PDE4D: variants seen among roughly 807,000 people sequenced by gnomAD.
PDE4D encodes the protein 3',5'-cyclic-AMP phosphodiesterase 4D.
PDE4D carries 24 observed loss-of-function variants against 87.4 expected under a neutral mutation model. That is an observed-to-expected ratio of 0.27 (90% CI 0.20 to 0.39). PDE4D has a LOEUF of 0.39. PDE4D is among the 10% of genes least tolerant of loss of function. The pLI, the probability that PDE4D is intolerant of heterozygous loss-of-function variation, is 1.00. For missense variants in PDE4D, 714 were observed against 1,041.0 expected (o/e 0.69, Z 4.32); for synonymous variants, 384 against 383.2 (o/e 1.00, Z -0.02).
At chr5:59,098,768 T>C (rs1770229179) in intron 5 of PDE4D, among the ~76,000 whole-genome samples, 1 of 149,512 alleles carries the variant, frequency 6.7e-6, no homozygotes, top group African/African-American at 2.5e-5. Flanking sequence ...CAGGTCAAGG[T>C]TGGAATGGTG....
rs543422926 is a variant in PDE4D at position 59,723,773 on chromosome 5, A to G, written c.455+169395T>C. On this transcript the variant is annotated intron_variant, in intron 1 of 14. Coordinates refer to ENST00000340635, the MANE Select transcript of PDE4D (RefSeq NM_001104631.2). Reference sequence around the variant, plus strand: ...CACGTAAGGAGTTGTCCAAACTAATATTGAATGCATTTGACATGACAGCTG... The same window carrying G: ...CACGTAAGGAGTTGTCCAAACTAATGTTGAATGCATTTGACATGACAGCTG... Among the ~76,000 whole-genome samples, 12 of 152,304 alleles carry G rather than the reference A, an allele frequency of 7.9e-5. No individual in the cohort carries two copies. The East Asian group carries it at 2.3e-3, about 29-fold the overall frequency.
intron 1 of PDE4D, among the ~76,000 whole-genome samples, chr5:59,340,396 T>C (rs190216398): frequency 1.3e-5 from 2 of 152,248 alleles, no homozygotes; most frequent in Admixed American, 6.5e-5. Context: ...TGTATTTACT[T>C]TTTACTTTTG....
At chr5:59,117,670 T>C (rs945672139) in intron 5 of PDE4D, among the ~76,000 whole-genome samples, 6 of 152,324 alleles carry the variant, frequency 3.9e-5, no homozygotes, top group African/African-American at 1.4e-4. Context: ...AGGAATATGC[T>C]GGAACTGGAT....
intron 1 of PDE4D, among the ~76,000 whole-genome samples, chr5:59,860,344 A>T (rs963267689): frequency 3.3e-5 from 5 of 152,226 alleles, no homozygotes; most frequent in African/African-American, 4.8e-5. Context: ...GGATGTAATT[A>T]AGAGCACTTT....
At chr5:59,544,068 T>G (rs1816830916) in intron 1 of PDE4D, among the ~76,000 whole-genome samples, 1 of 152,160 alleles carries the variant, frequency 6.6e-6, no homozygotes, top group Non-Finnish European at 1.5e-5. Context: ...AACAAAATGC[T>G]ACATGCCAGC....
intron 5 of PDE4D, among the ~76,000 whole-genome samples, chr5:59,079,863 A>AGGAGAGGAGAGGAGG (rs1766399052): frequency 8.0e-6 from 1 of 125,730 alleles, no homozygotes; most frequent in Admixed American, 9.1e-5. Context: ...AGGAGAGGAG[A>AGGAGAGGAGAGGAGG]GGAGAGGAGA....
chr5:59,356,941 C>G (rs968766674), intron 1 of PDE4D: 1 of 1,391,924 alleles, frequency 7.2e-7, no homozygotes, highest in African/African-American at 1.5e-5. Context: ...GCAGGAGGCA[C>G]TTGTAGCTGA....
chr5:59,844,410 T>C (rs1362893024), intron 1 of PDE4D, among the ~76,000 whole-genome samples: 1 of 152,114 alleles, frequency 6.6e-6, no homozygotes, highest in Non-Finnish European at 1.5e-5. Flanking sequence ...GATTTTCCCA[T>C]TTAATATTTT....
chr5:59,377,417 C>CAA (rs375685104), intron 1 of PDE4D, among the ~76,000 whole-genome samples: 6,691 of 97,394 alleles, frequency 0.069, 237 homozygotes, highest in South Asian at 0.19. Flanking sequence ...ACACCCATCT[C>CAA]AAAAAAAAAA....
intron 3 of PDE4D, among the ~76,000 whole-genome samples, chr5:59,967,139 G>A (rs773323452): frequency 5.3e-5 from 8 of 151,900 alleles, no homozygotes; most frequent in South Asian, 2.1e-4. Context: ...TGGCATAATC[G>A]GAGTCAGCTT....
intron 1 of PDE4D, among the ~76,000 whole-genome samples, chr5:60,308,871 C>T (rs944330698): frequency 6.6e-6 from 1 of 152,106 alleles, no homozygotes; most frequent in Non-Finnish European, 1.5e-5. Context: ...ACTTGCCCCC[C>T]GCCCACCACC....
At chr5:59,674,196 A>G (rs1460904020) in intron 1 of PDE4D, among the ~76,000 whole-genome samples, 1 of 152,160 alleles carries the variant, frequency 6.6e-6, no homozygotes, top group Non-Finnish European at 1.5e-5. Context: ...ATATTATTGT[A>G]TTTCTAGTTT....
chr5:59,641,144 TGAC>T (rs1378006309), intron 1 of PDE4D, among the ~76,000 whole-genome samples: 1 of 152,176 alleles, frequency 6.6e-6, no homozygotes, highest in Non-Finnish European at 1.5e-5. Context: ...ATTATAACTG[TGAC>T]AGAAGAAATC....
chr5:59,870,679 C>G (rs754461859), intron 1 of PDE4D, among the ~76,000 whole-genome samples: 5 of 152,172 alleles, frequency 3.3e-5, no homozygotes, highest in Non-Finnish European at 7.4e-5. Context: ...TGGCCTCACT[C>G]CAAACTGCTG....
At chr5:59,495,029 C>T (rs1455367066) in intron 1 of PDE4D, among the ~76,000 whole-genome samples, 1 of 152,202 alleles carries the variant, frequency 6.6e-6, no homozygotes, top group African/African-American at 2.4e-5. Context: ...GCTCTTTCTA[C>T]CTTATCCAGC....
chr5:59,295,385 G>A (rs1481264001), intron 1 of PDE4D, among the ~76,000 whole-genome samples: 2 of 152,148 alleles, frequency 1.3e-5, no homozygotes, highest in East Asian at 1.9e-4. Context: ...TGTCAGCCCA[G>A]CACAAACTGT....
At chr5:59,171,766 C>G (rs11950544) in intron 5 of PDE4D, among the ~76,000 whole-genome samples, 2,393 of 135,976 alleles carry the variant, frequency 0.018, 67 homozygotes, top group African/African-American at 0.062. Flanking sequence ...CTCTCTCTCT[C>G]TCTATATATG....
At chr5:59,140,156 G>C (rs1285516265) in intron 5 of PDE4D, among the ~76,000 whole-genome samples, 1 of 152,212 alleles carries the variant, frequency 6.6e-6, no homozygotes, top group Admixed American at 6.5e-5. Flanking sequence ...CATATGAACA[G>C]CCATGTTGGC....
chr5:59,218,446 CT>C (rs1232172990), intron 1 of PDE4D, among the ~76,000 whole-genome samples: 1 of 151,936 alleles, frequency 6.6e-6, no homozygotes, highest in Admixed American at 6.6e-5. Context: ...TGCTAAATAC[CT>C]TAAGTCATTT....
Sources: allele counts gnomAD v4.1 joint callset (sites outside exome capture counted in the v4.1 genomes callset), GRCh38; gene constraint gnomAD v4.1.1; transcripts MANE v1.5; gene names NCBI Gene and HGNC (gene_info 2026-07-23, HGNC 2026-07-21).